Variants in GSK3B observed in about 807,000 individuals in gnomAD.
The protein encoded by GSK3B is glycogen synthase kinase 3 beta.
A neutral mutation model predicts 56.4 loss-of-function variants in GSK3B; 15 were observed. That is an observed-to-expected ratio of 0.27 (90% CI 0.18 to 0.41). GSK3B has a LOEUF of 0.41. GSK3B is among the 10% of genes least tolerant of loss of function. The pLI is 1.00. For synonymous variants in GSK3B, 181 were observed against 188.9 expected (o/e 0.96, Z 0.34); for missense variants, 300 against 513.4 (o/e 0.58, Z 4.02).
intron 7 of GSK3B, among the ~76,000 whole-genome samples, chr3:119,893,508 G>A (rs780204884): frequency 2.6e-5 from 4 of 152,088 alleles, no homozygotes; most frequent in Non-Finnish European, 5.9e-5. Flanking sequence ...AGCAATATGA[G>A]TCTTAAAGCC....
At chr3:120,023,354 C>T (rs1009683744) in intron 1 of GSK3B, among the ~76,000 whole-genome samples, 6 of 150,794 alleles carry the variant, frequency 4.0e-5, no homozygotes, top group Non-Finnish European at 8.8e-5. Flanking sequence ...CATGTACTTT[C>T]ATGCATCCTA....
At chr3:119,991,127 C>G (rs2057560595) in intron 2 of GSK3B, among the ~76,000 whole-genome samples, 1 of 152,066 alleles carries the variant, frequency 6.6e-6, no homozygotes, top group African/African-American at 2.4e-5. Flanking sequence ...AATAAACATG[C>G]AACTTACTGA....
chr3:120,056,948 G>T (rs920402720), intron 1 of GSK3B, among the ~76,000 whole-genome samples: 1 of 152,128 alleles, frequency 6.6e-6, no homozygotes, highest in African/African-American at 2.4e-5. Context: ...CTCAAGACCA[G>T]CCTGGCCATA....
intron 4 of GSK3B, among the ~76,000 whole-genome samples, chr3:119,922,255 AAGG>A (rs2056850153): frequency 1.4e-5 from 2 of 145,150 alleles, no homozygotes. Flanking sequence ...GGAAGGAAGG[AAGG>A]AAGGAAGGAA....
At chr3:120,011,861 A>G (rs947007901) in intron 1 of GSK3B, among the ~76,000 whole-genome samples, 1 of 152,192 alleles carries the variant, frequency 6.6e-6, no homozygotes, top group East Asian at 1.9e-4. Flanking sequence ...TAATACCTAT[A>G]ATAGATTAAT....
chr3:119,930,857 A>C (rs1003041669), intron 3 of GSK3B, among the ~76,000 whole-genome samples: 1 of 152,228 alleles, frequency 6.6e-6, no homozygotes, highest in East Asian at 1.9e-4. Flanking sequence ...GCAAGTAGTG[A>C]TATCCCTTTA....
intron 1 of GSK3B, among the ~76,000 whole-genome samples, chr3:120,041,715 C>G (rs192010552): frequency 6.6e-6 from 1 of 152,120 alleles, no homozygotes; most frequent in Non-Finnish European, 1.5e-5. Context: ...TACAAAGGTC[C>G]GGCCAAAGTT....
intron 2 of GSK3B, among the ~76,000 whole-genome samples, chr3:119,987,037 G>A (rs776919031): frequency 9.2e-5 from 14 of 152,162 alleles, no homozygotes; most frequent in Admixed American, 3.3e-4. Flanking sequence ...GGACACAGAT[G>A]AAGCTAGAAA....
At chr3:120,032,240 G>A (rs973999510) in intron 1 of GSK3B, among the ~76,000 whole-genome samples, 1 of 152,144 alleles carries the variant, frequency 6.6e-6, no homozygotes, top group African/African-American at 2.4e-5. Flanking sequence ...ACTTTGGGAG[G>A]CCGAGGCAGG....
intron 1 of GSK3B, among the ~76,000 whole-genome samples, chr3:120,082,645 C>T (rs912698834): frequency 1.3e-5 from 2 of 151,954 alleles, no homozygotes; most frequent in Non-Finnish European, 2.9e-5. Context: ...CCACCCGCCT[C>T]GGTCTCCCAA....
At chr3:120,024,250 T>C (rs1214690943) in intron 1 of GSK3B, among the ~76,000 whole-genome samples, 1 of 152,102 alleles carries the variant, frequency 6.6e-6, no homozygotes, top group Non-Finnish European at 1.5e-5. Flanking sequence ...GTGGGAGAAC[T>C]GCTTGAGCCC....
At chr3:120,046,692 T>C (rs888520258) in intron 1 of GSK3B, among the ~76,000 whole-genome samples, 4 of 152,224 alleles carry the variant, frequency 2.6e-5, no homozygotes, top group African/African-American at 9.6e-5. Context: ...CACTGCAACC[T>C]CTGCCTCCTA....
chr3:119,838,083 T>C (rs1488362201), intron 10 of GSK3B, among the ~76,000 whole-genome samples: 1 of 150,820 alleles, frequency 6.6e-6, no homozygotes, highest in Non-Finnish European at 1.5e-5. Context: ...AGGCCAGGAG[T>C]TCGAGACCAG....
At chr3:119,880,008 G>A (rs2056362179) in intron 7 of GSK3B, among the ~76,000 whole-genome samples, 1 of 152,094 alleles carries the variant, frequency 6.6e-6, no homozygotes, top group African/African-American at 2.4e-5. Context: ...CTAGATGGTA[G>A]GCAGCTCTAT....
intron 1 of GSK3B, among the ~76,000 whole-genome samples, chr3:120,085,018 AC>A (rs1224523298): frequency 1.3e-5 from 2 of 152,244 alleles, no homozygotes; most frequent in African/African-American, 4.8e-5. Flanking sequence ...CTATGAAAGG[AC>A]ACATAAGAAA....
At chr3:119,932,876 G>A (rs1045570914) in intron 3 of GSK3B, among the ~76,000 whole-genome samples, 1 of 152,140 alleles carries the variant, frequency 6.6e-6, no homozygotes, top group African/African-American at 2.4e-5. Flanking sequence ...TTGGGAGGCT[G>A]AGGCTGAGTT....
intron 6 of GSK3B, among the ~76,000 whole-genome samples, chr3:119,908,931 C>T (rs939618895): frequency 2.0e-5 from 3 of 152,154 alleles, no homozygotes; most frequent in Admixed American, 2.0e-4. Flanking sequence ...TAATGTGTTT[C>T]TGATTAGGGT....
intron 4 of GSK3B, 134 bp from the exon 5 acceptor site, chr3:119,916,308 T>C (rs2056780250): frequency 1.5e-6 from 1 of 655,722 alleles, no homozygotes; most frequent in African/African-American, 1.8e-5. Flanking sequence ...TCAATCTTCC[T>C]TTCACAAGTT....
intron 9 of GSK3B, 123 bp from the exon 10 acceptor site, chr3:119,843,476 C>T (rs2055808917): frequency 2.2e-6 from 1 of 446,292 alleles, no homozygotes; most frequent in Admixed American, 3.0e-5. Flanking sequence ...GGCGCAGTGG[C>T]TCACGCCTGT....
Sources: allele counts gnomAD v4.1 joint callset (sites outside exome capture counted in the v4.1 genomes callset), GRCh38; gene constraint gnomAD v4.1.1; transcripts MANE v1.5; gene names NCBI Gene and HGNC (gene_info 2026-07-23, HGNC 2026-07-21).